C1orf185: variants seen among roughly 807,000 people sequenced by gnomAD.
The protein encoded by C1orf185 is uncharacterized protein C1orf185.
In C1orf185, 13 loss-of-function variants were observed where a neutral mutation model predicts 16.1. The ratio of observed to expected loss-of-function variants is 0.81; its 90% CI spans 0.53 to 1.28. The LOEUF (loss-of-function observed/expected upper bound fraction) is 1.28, where lower values mean the gene tolerates loss of function less well. C1orf185 is among the 50% of genes most tolerant of loss of function. C1orf185 has a pLI of 0.00. For missense variants in C1orf185, 220 were observed against 225.2 expected (o/e 0.98, Z 0.15); for synonymous variants, 80 against 76.9 (o/e 1.04, Z -0.21).
chr1:51,120,553 T>C (rs1327937299), intron 3 of C1orf185, among the ~76,000 whole-genome samples: 2 of 152,216 alleles, frequency 1.3e-5, no homozygotes, highest in Non-Finnish European at 2.9e-5. Flanking sequence ...GATGTAAACA[T>C]CAAATTGATT....
chr1:51,148,842 A>T (rs1384043137), downstream of C1orf185, among the ~76,000 whole-genome samples: 2 of 152,320 alleles, frequency 1.3e-5, no homozygotes, highest in Non-Finnish European at 2.9e-5. Context: ...TGGGAGGATC[A>T]TTTGAGCCCT....
chr1:51,148,889 T>C (rs970320462), downstream of C1orf185, among the ~76,000 whole-genome samples: 5 of 152,188 alleles, frequency 3.3e-5, no homozygotes, highest in African/African-American at 9.7e-5. Context: ...AATATGCCAC[T>C]GCGCTCCAGC....
chr1:51,103,001 A>T, intron 1 of C1orf185, among the ~76,000 whole-genome samples: 1 of 152,052 alleles, frequency 6.6e-6, no homozygotes, highest in East Asian at 1.9e-4. Context: ...GTGATTTTAA[A>T]TTTCCCCAAG....
intron 3 of C1orf185, among the ~76,000 whole-genome samples, chr1:51,121,544 A>C (rs1646197513): frequency 6.6e-6 from 1 of 152,158 alleles, no homozygotes; most frequent in African/African-American, 2.4e-5. Flanking sequence ...TAAAAAGTTT[A>C]AGGTAGTGCT....
At chr1:51,136,601 A>G (rs1271530482) in intron 3 of C1orf185, among the ~76,000 whole-genome samples, 1 of 152,138 alleles carries the variant, frequency 6.6e-6, no homozygotes, top group African/African-American at 2.4e-5. Flanking sequence ...ATAAGGCCAC[A>G]CACCTACAAT....
At chr1:51,125,413 G>GT (rs1646233014) in intron 3 of C1orf185, among the ~76,000 whole-genome samples, 1 of 152,098 alleles carries the variant, frequency 6.6e-6, no homozygotes, top group African/African-American at 2.4e-5. Flanking sequence ...TAGCAGTAGG[G>GT]TTTTTAGTTT....
At chr1:51,137,656 G>A (rs1646336308) in intron 3 of C1orf185, among the ~76,000 whole-genome samples, 1 of 152,138 alleles carries the variant, frequency 6.6e-6, no homozygotes, top group Non-Finnish European at 1.5e-5. Context: ...ATTCCTCAAA[G>A]GCTTAAAAAC....
At chr1:51,130,084 A>G (rs1174770374) in intron 3 of C1orf185, among the ~76,000 whole-genome samples, 4 of 152,126 alleles carry the variant, frequency 2.6e-5, no homozygotes, top group African/African-American at 9.7e-5. Flanking sequence ...TTATGCATTG[A>G]GGGATATTTG....
At chr1:51,146,046 A>ATG (rs1392521407) in intron 4 of C1orf185, among the ~76,000 whole-genome samples, 2 of 152,226 alleles carry the variant, frequency 1.3e-5, no homozygotes, top group Non-Finnish European at 2.9e-5. Context: ...GGATAAAAAG[A>ATG]TGTTGCATAT....
At chr1:51,126,902 T>C (rs940615014) in intron 3 of C1orf185, among the ~76,000 whole-genome samples, 10 of 152,234 alleles carry the variant, frequency 6.6e-5, no homozygotes, top group African/African-American at 2.4e-4. Flanking sequence ...TGTATCTCCA[T>C]CTTTCTTGTT....
intron 3 of C1orf185, among the ~76,000 whole-genome samples, chr1:51,130,965 C>T (rs1263350684): frequency 5.3e-5 from 8 of 152,166 alleles, no homozygotes; most frequent in African/African-American, 1.9e-4. Flanking sequence ...TGCAGCGGCG[C>T]TATCTTGGCT....
At chr1:51,147,201 GT>G (rs1360862884) in intron 4 of C1orf185, among the ~76,000 whole-genome samples, 1 of 152,088 alleles carries the variant, frequency 6.6e-6, no homozygotes, top group Admixed American at 6.6e-5. Flanking sequence ...AAGGCAATCA[GT>G]CTTTTCTGAT....
chr1:51,131,617 G>A, intron 3 of C1orf185, among the ~76,000 whole-genome samples: 1 of 151,738 alleles, frequency 6.6e-6, no homozygotes, highest in Non-Finnish European at 1.5e-5. Flanking sequence ...CTAGCAAAAA[G>A]AAAGAGAGAG....
At chr1:51,110,830 G>A (rs1388322061) in intron 1 of C1orf185, among the ~76,000 whole-genome samples, 3 of 151,956 alleles carry the variant, frequency 2.0e-5, no homozygotes, top group Non-Finnish European at 4.4e-5. Context: ...TTAGCCTGGC[G>A]TGGTGGTGTG....
chr1:51,108,859 A>C (rs1422679295), intron 1 of C1orf185, among the ~76,000 whole-genome samples: 1 of 152,220 alleles, frequency 6.6e-6, no homozygotes, highest in Non-Finnish European at 1.5e-5. Context: ...GCTATCGTGA[A>C]TAATGCTGCA....
intron 3 of C1orf185, among the ~76,000 whole-genome samples, chr1:51,141,673 T>C (rs1471776252): frequency 1.3e-5 from 2 of 152,154 alleles, no homozygotes; most frequent in African/African-American, 4.8e-5. Context: ...TGTGTATTTT[T>C]ATTGTTTCTG....
intron 4 of C1orf185, 45 bp downstream of exon 4, chr1:51,145,805 T>C (rs765958468): frequency 2.9e-6 from 3 of 1,050,584 alleles, no homozygotes; most frequent in Middle Eastern, 2.7e-4. Context: ...TAATGAACTT[T>C]AGCAATTCAC....
At chr1:51,122,688 G>A (rs1190193849) in intron 3 of C1orf185, among the ~76,000 whole-genome samples, 3 of 152,150 alleles carry the variant, frequency 2.0e-5, no homozygotes, top group African/African-American at 7.2e-5. Flanking sequence ...TGTCATTACA[G>A]TATCATACAG....
At position 51,147,946 on chromosome 1, in the gene C1orf185, T is replaced by TA; in HGVS notation, c.*176dup. ...ATATTGCTTTTTTTGTTCTTTACCA[T>TA]AGAGCGGCTCTACTTCCCTTGCTGG... On this transcript the variant is annotated 3_prime_UTR_variant, in exon 5 of 5. Coordinates refer to ENST00000371759, the MANE Select transcript of C1orf185 (RefSeq NM_001136508.2). 1 of 572,254 alleles carries TA rather than the reference T, an allele frequency of 1.7e-6. No individual in the cohort carries two copies. Among genetic ancestry groups the TA allele is most frequent in the Non-Finnish European group, 2.9e-6 (1 of 348,266 alleles). 35.4% of individuals were successfully genotyped at this position (572,254 alleles called of 1,614,324 possible).
Sources: gnomAD v4.1 joint callset for allele counts (sites outside exome capture counted in the v4.1 genomes callset) on GRCh38, gnomAD v4.1.1 for gene constraint, MANE v1.5 for transcripts, NCBI Gene and HGNC (gene_info 2026-07-23, HGNC 2026-07-21) for gene names.